Variants in WDR70 observed in about 807,000 individuals in gnomAD.
The protein encoded by WDR70 is WD repeat-containing protein 70.
Under a neutral mutation model 88.6 loss-of-function variants are expected in WDR70, and 53 were observed. That is an observed-to-expected ratio of 0.60 (90% CI 0.48 to 0.75). WDR70 has a LOEUF of 0.75. Ranked by LOEUF, WDR70 falls within the 30% of genes least tolerant of loss-of-function variation. The pLI, the probability that WDR70 is intolerant of heterozygous loss-of-function variation, is 0.00. For missense variants in WDR70, 610 were observed against 823.2 expected, an observed-to-expected ratio of 0.74 and a Z score of 3.17; for synonymous variants, 280 against 270.0, an observed-to-expected ratio of 1.04 and a Z score of -0.36.
chr5:37,542,473 G>T (rs1741855465), intron 9 of WDR70, among the ~76,000 whole-genome samples: 1 of 151,932 alleles, frequency 6.6e-6, no homozygotes, highest in Non-Finnish European at 1.5e-5. Context: ...TAGAGACGGG[G>T]TTTTACCACA....
intron 9 of WDR70, among the ~76,000 whole-genome samples, chr5:37,565,543 T>C (rs530856033): frequency 3.3e-5 from 5 of 152,256 alleles, no homozygotes; most frequent in African/African-American, 1.2e-4. Context: ...GAGTCTGTTA[T>C]CTTGATGAAA....
intron 5 of WDR70, among the ~76,000 whole-genome samples, chr5:37,415,634 C>T (rs1410961076): frequency 2.7e-5 from 4 of 150,478 alleles, no homozygotes; most frequent in South Asian, 2.1e-4. Flanking sequence ...ACCTCCCTCC[C>T]GGACGGGGCG....
intron 5 of WDR70, among the ~76,000 whole-genome samples, chr5:37,409,630 G>A (rs771961772): frequency 6.6e-5 from 10 of 151,480 alleles, no homozygotes; most frequent in Non-Finnish European, 1.2e-4. Context: ...TCAGCTTCCC[G>A]AGTAACTGGG....
chr5:37,751,390 T>C (rs1748803517), intron 17 of WDR70, among the ~76,000 whole-genome samples: 1 of 152,180 alleles, frequency 6.6e-6, no homozygotes, highest in Non-Finnish European at 1.5e-5. Context: ...AGGCTCTAGG[T>C]AGGTGTGTGA....
At position 37,693,901 on chromosome 5, in the gene WDR70, A is replaced by G. The variant is rs186133026; in HGVS notation, c.1093-3754A>G. On this transcript the variant is annotated intron_variant, in intron 10 of 17. Coordinates refer to ENST00000265107, the MANE Select transcript of WDR70 (RefSeq NM_018034.4). Reference sequence around the variant, plus strand: ...CTTCTGCACAGCAAAAGAAACTACCATCAGAGTGAACAGGCAACCTACAAA... The same window carrying G: ...CTTCTGCACAGCAAAAGAAACTACCGTCAGAGTGAACAGGCAACCTACAAA... 2.6e-5 allele frequency among the ~76,000 whole-genome samples: 4 copies of G among 152,366 alleles called. No individual in the cohort carries two copies. In the East Asian group the frequency reaches 7.7e-4, roughly 29 times the overall value.
intron 5 of WDR70, among the ~76,000 whole-genome samples, chr5:37,427,473 C>T (rs548533429): frequency 6.6e-6 from 1 of 152,146 alleles, no homozygotes; most frequent in Non-Finnish European, 1.5e-5. Context: ...TATGTACATA[C>T]ATGTACATGT....
intron 9 of WDR70, among the ~76,000 whole-genome samples, chr5:37,520,169 T>G (rs1035219401): frequency 1.3e-5 from 2 of 152,160 alleles, no homozygotes; most frequent in Admixed American, 6.5e-5. Flanking sequence ...AATAAGAACT[T>G]TTTTATTCTT....
chr5:37,399,210 A>G (rs1218757574), intron 5 of WDR70, among the ~76,000 whole-genome samples: 1 of 152,172 alleles, frequency 6.6e-6, no homozygotes, highest in Non-Finnish European at 1.5e-5. Flanking sequence ...CCTGGGAGGC[A>G]GAGCTTGCAG....
At chr5:37,673,281 G>T (rs11745980) in intron 10 of WDR70, among the ~76,000 whole-genome samples, 56,588 of 151,978 alleles carry the variant, frequency 0.37, 10,873 homozygotes, top group African/African-American at 0.47. Context: ...ATGTACCACA[G>T]TTTCTTTATC....
chr5:37,665,905 C>A (rs1745826623), intron 10 of WDR70, among the ~76,000 whole-genome samples: 1 of 152,208 alleles, frequency 6.6e-6, no homozygotes, highest in African/African-American at 2.4e-5. Context: ...CCACCCTCTC[C>A]TCTGCTTCCT....
In WDR70 at chr5:37,560,668, A is replaced by G. The variant is rs562284256; in HGVS notation, c.917+44078A>G. On this transcript the variant is annotated intron_variant, in intron 9 of 17. Coordinates refer to ENST00000265107, the MANE Select transcript of WDR70 (RefSeq NM_018034.4). Reference sequence around the variant, plus strand: ...CTAATATGCTTCAATAGTTCTTTATAAAAAAGAGACTAGGCCTCTTTGTTA... The same window carrying G: ...CTAATATGCTTCAATAGTTCTTTATGAAAAAGAGACTAGGCCTCTTTGTTA... 1.3e-4 allele frequency among the ~76,000 whole-genome samples: 20 copies of G among 152,300 alleles called. No homozygotes were observed. The East Asian group carries it at 3.3e-3, about 25-fold the overall frequency.
intron 9 of WDR70, among the ~76,000 whole-genome samples, chr5:37,520,873 T>C (rs1157401255): frequency 6.6e-6 from 1 of 152,192 alleles, no homozygotes; most frequent in African/African-American, 2.4e-5. Context: ...AACAAGACAG[T>C]CCCATAACTA....
At chr5:37,605,263 A>G (rs765053797) in intron 10 of WDR70, 25 bp downstream of exon 10, 3 of 1,580,338 alleles carry the variant, frequency 1.9e-6, no homozygotes, top group South Asian at 1.2e-5. Flanking sequence ...TTCTTAGAAC[A>G]TGGCCACCTT....
intron 17 of WDR70, among the ~76,000 whole-genome samples, chr5:37,728,118 C>T (rs769492659): frequency 5.3e-5 from 8 of 151,952 alleles, no homozygotes; most frequent in Non-Finnish European, 1.0e-4. Flanking sequence ...GTGGCCGAGG[C>T]AGGCAGGTCA....
At chr5:37,479,560 G>T in intron 7 of WDR70, 1 of 241,036 alleles carries the variant, frequency 4.1e-6, no homozygotes, top group Non-Finnish European at 8.1e-6. Context: ...TATTAGAGAT[G>T]GGGTTTCACC....
intron 10 of WDR70, among the ~76,000 whole-genome samples, chr5:37,639,248 T>G (rs1311444933): frequency 1.3e-5 from 2 of 152,200 alleles, no homozygotes; most frequent in South Asian, 2.1e-4. Flanking sequence ...GATCATGTGA[T>G]TAAGACTCAG....
At chr5:37,711,427 C>G (rs996060864) in intron 13 of WDR70, among the ~76,000 whole-genome samples, 2 of 152,170 alleles carry the variant, frequency 1.3e-5, no homozygotes, top group African/African-American at 4.8e-5. Context: ...TATGAAATCC[C>G]TTACCGTCAG....
chr5:37,432,954 A>T (rs1175896889), intron 5 of WDR70, among the ~76,000 whole-genome samples: 1 of 152,122 alleles, frequency 6.6e-6, no homozygotes, highest in Non-Finnish European at 1.5e-5. Context: ...TTAATCCCTT[A>T]TATATAAGAT....
rs1335730558 is a variant in WDR70, at chr5:37,563,149, G to C, written c.918-41915G>C. ...GGGCTGACCTCCCGGCCTCCCTCCC[G>C]GATGGGGGGGCTGGCTGGGCGGGGG... On this transcript the variant is annotated intron_variant, in intron 9 of 17. Transcript: ENST00000265107. Among the ~76,000 whole-genome samples, 2 of 66,710 alleles carry C rather than the reference G, an allele frequency of 3.0e-5. 1 individual carries two copies. Among genetic ancestry groups the C allele is most frequent in the Non-Finnish European group, 7.5e-5 (2 of 26,508 alleles). The allele number at this position is 66,710 out of a possible 152,430, so 43.8% of individuals were successfully genotyped here.
Sources: gnomAD v4.1 joint callset for allele counts (sites outside exome capture counted in the v4.1 genomes callset) on GRCh38, gnomAD v4.1.1 for gene constraint, MANE v1.5 for transcripts, NCBI Gene and HGNC (gene_info 2026-07-23, HGNC 2026-07-21) for gene names.